SOS1: variants seen among roughly 807,000 people sequenced by gnomAD.
SOS1 encodes son of sevenless homolog 1.
Under a neutral mutation model 157.6 loss-of-function variants are expected in SOS1, and 25 were observed. That is an observed-to-expected ratio of 0.16 (90% CI 0.12 to 0.22). The LOEUF (loss-of-function observed/expected upper bound fraction) is 0.22. Ranked by LOEUF, SOS1 falls within the 10% of genes least tolerant of loss-of-function variation. SOS1 has a pLI of 1.00. For synonymous variants in SOS1, 528 were observed against 534.0 expected, an observed-to-expected ratio of 0.99 and a Z score of 0.16; for missense variants, 1,237 against 1,599.1, an observed-to-expected ratio of 0.77 and a Z score of 3.86.
intron 3 of SOS1, 111 bp downstream of exon 3, chr2:39,058,562 G>A (rs1671294274): frequency 1.7e-6 from 2 of 1,167,644 alleles, no homozygotes; most frequent in African/African-American, 3.1e-5. Flanking sequence ...TAGAATGAGA[G>A]AATTTTACTC....
At chr2:39,121,506 C>A (rs1425349172), upstream of SOS1, among the ~76,000 whole-genome samples, 1 of 152,144 alleles carries the variant, frequency 6.6e-6, no homozygotes, top group Admixed American at 6.5e-5. Flanking sequence ...GTGGTCTTTC[C>A]ACAAAATAAT....
At chr2:39,012,378 T>TA in intron 13 of SOS1, 30 bp from the exon 14 acceptor site, 1 of 995,094 alleles carries the variant, frequency 1.0e-6, no homozygotes, top group Non-Finnish European at 1.4e-6. Context: ...AAATAACATT[T>TA]AAATATTCTT....
chr2:38,982,367 TAA>T lies in SOS1; in HGVS notation c.*3455_*3456del, dbSNP rs1668426130. ...TGTATAAGGGATTATGAAATAATCT[TAA>T]AAGTTAGTAATGAGATGTTTCAAAG... On this transcript the variant is annotated 3_prime_UTR_variant, in exon 23 of 23. Coordinates refer to ENST00000402219, the MANE Select transcript of SOS1 (RefSeq NM_005633.4). 6.6e-6 allele frequency: 1 copy of T among 152,180 alleles called. No individual in the cohort carries two copies. Among genetic ancestry groups the T allele is most frequent in the Non-Finnish European group, 1.5e-5 (1 of 68,024 alleles). The allele number at this position is 152,180 out of a possible 1,614,324, so 9.4% of individuals were successfully genotyped here.
Position 39,035,266 on chromosome 2 carries a change from G to T in SOS1, c.1020C>A (p.Pro340=). 6.2e-7 allele frequency: 1 copy of T among 1,613,750 alleles called. No individual in the cohort carries two copies. Among genetic ancestry groups the T allele is most frequent in the South Asian group, 1.1e-5 (1 of 91,058 alleles). ...GFKEAVQYVL[P]RLLLAPVYHC... ...GGTAAACAGGGGCCAGAAGCAGCCTGGGTAAAACATATTGAACAGCTTCTT... is the reference window on the plus strand; with the variant it reads ...GGTAAACAGGGGCCAGAAGCAGCCTTGGTAAAACATATTGAACAGCTTCTT... The change falls in exon 8 of 23, where the codon CCC becomes CCA. Residue 340 remains proline, a synonymous_variant. Coordinates refer to ENST00000402219, the MANE Select transcript of SOS1 (RefSeq NM_005633.4).
intron 22 of SOS1, 133 bp from the exon 23 acceptor site, chr2:38,986,448 TG>T (rs1668563721): frequency 3.3e-6 from 3 of 899,166 alleles, no homozygotes; most frequent in Non-Finnish European, 4.9e-6. Flanking sequence ...TTTTGCCATA[TG>T]TTTTCTTTTT....
intron 2 of SOS1, among the ~76,000 whole-genome samples, chr2:39,066,595 C>T (rs986776924): frequency 3.3e-5 from 5 of 152,158 alleles, no homozygotes; most frequent in African/African-American, 1.2e-4. Context: ...CATGGTTTCC[C>T]ATATACTCTT....
chr2:38,997,405 A>C lies in SOS1; in HGVS notation c.2812T>G (p.Leu938Val), dbSNP rs566328117. The C allele has an allele frequency of 6.2e-7, 1 of 1,607,996 alleles. No individual in the cohort carries two copies. Among genetic ancestry groups the C allele is most frequent in the East Asian group, 2.2e-5 (1 of 44,720 alleles). ...TCAGGGTTGCCTTCTTCTGTTTTCA[A>C]GATATTAGTGAGATAAATTCCTAGA... Reference protein sequence around the residue: ...PFFGIYLTNILKTEEGNPEVL... With the variant: ...PFFGIYLTNIVKTEEGNPEVL... The change falls in exon 18 of 23, where the codon TTG becomes GTG. Residue 938 changes from leucine to valine, a missense_variant. Physicochemically the swap from Leu to Val is conservative, Grantham distance 32. Around this residue, in one of 15 missense-constraint regions of SOS1, gnomAD observed 105 missense variants for 236.0 expected, o/e 0.44. Coordinates refer to ENST00000402219, the MANE Select transcript of SOS1 (RefSeq NM_005633.4).
At chr2:39,095,210 C>G (rs925171127) in intron 1 of SOS1, among the ~76,000 whole-genome samples, 2 of 152,170 alleles carry the variant, frequency 1.3e-5, no homozygotes, top group African/African-American at 2.4e-5. Flanking sequence ...CAACTCCACC[C>G]TCCAGTAGAC....
Position 39,007,201 on chromosome 2 carries a change from TA to T in SOS1, c.2511-9del, listed in dbSNP as rs727503436. 787 of 1,538,302 alleles carry T rather than the reference TA, an allele frequency of 5.1e-4. No homozygotes were observed. The highest frequency in any genetic ancestry group is 9.3e-4 in the African/African-American group (68 of 72,898). On this transcript the variant is annotated splice_polypyrimidine_tract_variant and intron_variant, in intron 15 of 22. Coordinates refer to ENST00000402219, the MANE Select transcript of SOS1 (RefSeq NM_005633.4). ...TCAGTTTCTACAATACATCTGGGAA[TA>T]AAAAAAAAGTGAACTAAAGGTTTTA...
intron 20 of SOS1, among the ~76,000 whole-genome samples, chr2:38,991,744 C>A (rs961108140): frequency 6.6e-6 from 1 of 152,162 alleles, no homozygotes; most frequent in African/African-American, 2.4e-5. Flanking sequence ...GTCTTTACCA[C>A]TATTTTTAGC....
intron 10 of SOS1, among the ~76,000 whole-genome samples, chr2:39,017,227 G>A (rs773300055): frequency 3.3e-5 from 5 of 151,902 alleles, no homozygotes; most frequent in Non-Finnish European, 5.9e-5. Flanking sequence ...CTATCATATC[G>A]TATAACCTCC....
intron 1 of SOS1, among the ~76,000 whole-genome samples, chr2:39,108,437 AGC>A (rs1463126518): frequency 6.6e-6 from 1 of 152,222 alleles, no homozygotes; most frequent in Non-Finnish European, 1.5e-5. Flanking sequence ...TCCAGACTTC[AGC>A]TACTCAGAAC....
chr2:38,999,410 A>G (rs138119934), intron 17 of SOS1, among the ~76,000 whole-genome samples: 136 of 152,298 alleles, frequency 8.9e-4, no homozygotes, highest in African/African-American at 2.7e-3. Context: ...CATCCTTGGA[A>G]AGATAAAAGG....
chr2:39,025,675 A>C (rs1669936520), intron 8 of SOS1, among the ~76,000 whole-genome samples: 1 of 152,118 alleles, frequency 6.6e-6, no homozygotes, highest in African/African-American at 2.4e-5. Flanking sequence ...TTTACTTTTC[A>C]ATTAGCTTAA....
upstream of SOS1, among the ~76,000 whole-genome samples, chr2:39,122,720 A>G (rs942945345): frequency 2.0e-5 from 3 of 152,090 alleles, no homozygotes; most frequent in East Asian, 5.8e-4. Flanking sequence ...TAATTTTTGT[A>G]TTTTTATTAG....
intron 1 of SOS1, among the ~76,000 whole-genome samples, chr2:39,119,208 A>T (rs186893736): frequency 0.036 from 5,401 of 152,134 alleles, 121 homozygotes; most frequent in Non-Finnish European, 0.049. Flanking sequence ...TCTGTTTTTT[A>T]AAAAAAATTA....
chr2:38,989,181 C>A, intron 21 of SOS1, 89 bp downstream of exon 21: 1 of 883,626 alleles, frequency 1.1e-6, no homozygotes, highest in Non-Finnish European at 1.9e-6. Context: ...GCTGCCAGAC[C>A]CAAGAAGAGT....
chr2:39,076,310 G>C (rs977744148), intron 1 of SOS1, among the ~76,000 whole-genome samples: 1 of 151,978 alleles, frequency 6.6e-6, no homozygotes, highest in African/African-American at 2.4e-5. Context: ...TGAGGTGGGA[G>C]AATTGCTTCA....
At chr2:39,049,256 C>A (rs1670914975) in intron 6 of SOS1, among the ~76,000 whole-genome samples, 1 of 152,168 alleles carries the variant, frequency 6.6e-6, no homozygotes, top group African/African-American at 2.4e-5. Flanking sequence ...TATTTCTTAT[C>A]TTGGTCTGTG....
Sources: allele counts gnomAD v4.1 joint callset (sites outside exome capture counted in the v4.1 genomes callset), GRCh38; gene constraint gnomAD v4.1.1; regional missense constraint gnomAD v4.1.1; transcripts MANE v1.5; gene names NCBI Gene and HGNC (gene_info 2026-07-23, HGNC 2026-07-21).